Variants in GRIN3A observed in about 807,000 individuals in gnomAD.
GRIN3A encodes the protein glutamate ionotropic receptor NMDA type subunit 3A.
A neutral mutation model predicts 92.4 loss-of-function variants in GRIN3A; 47 were observed. The ratio of observed to expected loss-of-function variants is 0.51; its 90% confidence interval spans 0.40 to 0.65. The LOEUF (loss-of-function observed/expected upper bound fraction) is 0.65. Among genes scored for constraint, GRIN3A ranks in the 30% least tolerant of loss-of-function variants. GRIN3A has a pLI of 0.00. For missense variants in GRIN3A, 1,324 were observed against 1,393.1 expected, an observed-to-expected ratio of 0.95 and a Z score of 0.79; for synonymous variants, 527 against 540.6, an observed-to-expected ratio of 0.97 and a Z score of 0.35.
At chr9:101,647,922 C>T (rs953222723) in intron 3 of GRIN3A, among the ~76,000 whole-genome samples, 13 of 151,766 alleles carry the variant, frequency 8.6e-5, no homozygotes, top group Admixed American at 6.6e-4. Flanking sequence ...TTTACCTTTT[C>T]AAAAATCCAA....
At chr9:101,618,480 A>G (rs1345503544) in intron 5 of GRIN3A, among the ~76,000 whole-genome samples, 2 of 152,196 alleles carry the variant, frequency 1.3e-5, no homozygotes, top group Admixed American at 1.3e-4. Context: ...AGAAATGCAA[A>G]TCAAAACCAC....
intron 2 of GRIN3A, among the ~76,000 whole-genome samples, chr9:101,673,116 C>G (rs932482630): frequency 3.9e-5 from 6 of 152,028 alleles, no homozygotes; most frequent in Admixed American, 6.6e-5. Flanking sequence ...AAAGAGGAAC[C>G]CTTCATTATT....
At chr9:101,661,250 C>T (rs1045833632) in intron 3 of GRIN3A, among the ~76,000 whole-genome samples, 1 of 151,856 alleles carries the variant, frequency 6.6e-6, no homozygotes, top group Non-Finnish European at 1.5e-5. Context: ...CTGAAATATT[C>T]TCATTCTTAC....
intron 2 of GRIN3A, among the ~76,000 whole-genome samples, chr9:101,676,856 C>A (rs889143586): frequency 7.0e-6 from 1 of 142,960 alleles, no homozygotes; most frequent in African/African-American, 2.5e-5. Flanking sequence ...TAAACCTTCC[C>A]CTTTTCCTTT....
At position 101,613,543 on chromosome 9, in the gene GRIN3A, A is replaced by G. The variant is rs1564126437; in HGVS notation, c.2615-16T>C. ...ATGCCGTATCCTAGAAGAAAATACA[A>G]TCTCAGATGAGTTTTTTACACCCTT... is the stretch of plus-strand genomic sequence containing the variant. On this transcript the variant is annotated splice_polypyrimidine_tract_variant and intron_variant, in intron 5 of 8. Transcript: ENST00000361820. 1 of 1,613,662 alleles carries G rather than the reference A, an allele frequency of 6.2e-7. No individual in the cohort carries two copies. The highest frequency in any genetic ancestry group is 8.5e-7 in the Non-Finnish European group (1 of 1,179,722).
chr9:101,572,889 G>A lies in GRIN3A; in HGVS notation c.*285C>T. The A allele has an allele frequency of 2.3e-6, 1 of 428,344 alleles. No homozygotes were observed. Among genetic ancestry groups the A allele is most frequent in the Non-Finnish European group, 4.3e-6 (1 of 230,660 alleles). 26.5% of individuals were successfully genotyped at this position (428,344 alleles called of 1,614,324 possible). A position where few individuals can be genotyped will look rare whatever the true frequency, so the allele number is the denominator to read the frequency against. On this transcript the variant is annotated 3_prime_UTR_variant, in exon 9 of 9. Transcript: ENST00000361820. ...ATATTACTGTGGCACCTGGTGAAAA[G>A]GTTAACGGCAGCTGGGGTTATCTGG...
intron 2 of GRIN3A, among the ~76,000 whole-genome samples, chr9:101,676,197 G>C (rs1829392573): frequency 6.6e-6 from 1 of 151,694 alleles, no homozygotes; most frequent in African/African-American, 2.4e-5. Flanking sequence ...TCATGACCTA[G>C]TTATTTATAG....
chr9:101,633,934 T>A (rs1457067726), intron 3 of GRIN3A, among the ~76,000 whole-genome samples: 1 of 152,138 alleles, frequency 6.6e-6, no homozygotes, highest in Non-Finnish European at 1.5e-5. Context: ...GCAAATGTCA[T>A]GGTTTATGGA....
intron 3 of GRIN3A, among the ~76,000 whole-genome samples, chr9:101,668,736 CAGA>C (rs1209735473): frequency 2.0e-5 from 3 of 152,140 alleles, no homozygotes; most frequent in African/African-American, 7.2e-5. Context: ...TGTCACTTAT[CAGA>C]AGGTTTGCAA....
chr9:101,674,578 G>A (rs942975345), intron 2 of GRIN3A, among the ~76,000 whole-genome samples: 5 of 152,100 alleles, frequency 3.3e-5, no homozygotes, highest in African/African-American at 1.2e-4. Flanking sequence ...AATAAGACCT[G>A]TTAGTATTTA....
intron 6 of GRIN3A, among the ~76,000 whole-genome samples, chr9:101,588,809 A>C (rs1670537460): frequency 1.3e-5 from 2 of 148,888 alleles, no homozygotes; most frequent in Admixed American, 6.7e-5. Flanking sequence ...TTATTTTCTA[A>C]ATATTATTTT....
chr9:101,621,900 C>A (rs1828561519), intron 5 of GRIN3A, among the ~76,000 whole-genome samples: 1 of 152,110 alleles, frequency 6.6e-6, no homozygotes, highest in Admixed American at 6.5e-5. Flanking sequence ...ATGTAACATC[C>A]CCAGATGCCA....
intron 1 of GRIN3A, among the ~76,000 whole-genome samples, chr9:101,689,093 C>A (rs775158545): frequency 6.6e-6 from 1 of 152,134 alleles, no homozygotes; most frequent in Non-Finnish European, 1.5e-5. Flanking sequence ...TTGCCCTCCT[C>A]TTTTAGCTTT....
At chr9:101,635,151 G>A (rs147984968) in intron 3 of GRIN3A, among the ~76,000 whole-genome samples, 276 of 152,252 alleles carry the variant, frequency 1.8e-3, no homozygotes, top group African/African-American at 6.4e-3. Context: ...CTAATCTCTA[G>A]TCAACAACAT....
intron 5 of GRIN3A, among the ~76,000 whole-genome samples, chr9:101,620,223 G>C (rs542060933): frequency 2.6e-5 from 4 of 152,144 alleles, no homozygotes; most frequent in Non-Finnish European, 4.4e-5. Flanking sequence ...GGCAATGGTA[G>C]ATTTGGTGCC....
At chr9:101,698,108 A>T (rs1235904651) in intron 1 of GRIN3A, among the ~76,000 whole-genome samples, 1 of 152,214 alleles carries the variant, frequency 6.6e-6, no homozygotes, top group East Asian at 1.9e-4. Context: ...TGAGGACAGA[A>T]ACATTAATTA....
At chr9:101,613,623 A>C (rs753721753) in intron 5 of GRIN3A, 96 bp from the exon 6 acceptor site, 1 of 1,158,196 alleles carries the variant, frequency 8.6e-7, no homozygotes, top group Non-Finnish European at 1.3e-6. Context: ...TCAGACCAAA[A>C]AAAGGGCGTG....
At chr9:101,587,254 G>A (rs577781785) in intron 6 of GRIN3A, among the ~76,000 whole-genome samples, 4 of 150,070 alleles carry the variant, frequency 2.7e-5, no homozygotes, top group Non-Finnish European at 5.9e-5. Context: ...AGGCTGCAGT[G>A]AGCTGAAATT....
At chr9:101,696,912 C>G (rs570223373) in intron 1 of GRIN3A, among the ~76,000 whole-genome samples, 1 of 152,260 alleles carries the variant, frequency 6.6e-6, no homozygotes, top group East Asian at 1.9e-4. Context: ...CAATTCCATA[C>G]TCTCAAGACA....
Sources: gnomAD v4.1 joint callset for allele counts (sites outside exome capture counted in the v4.1 genomes callset) on GRCh38, gnomAD v4.1.1 for gene constraint, MANE v1.5 for transcripts, NCBI Gene and HGNC (gene_info 2026-07-23, HGNC 2026-07-21) for gene names.